TRIM67: variants seen among roughly 807,000 people sequenced by gnomAD.
TRIM67 encodes the protein tripartite motif containing 67.
In TRIM67, 39 loss-of-function variants were observed where a neutral mutation model predicts 71.0. That is an observed-to-expected ratio of 0.55 (90% CI 0.43 to 0.72). TRIM67 has a LOEUF of 0.72. Ranked by LOEUF, TRIM67 falls within the 30% of genes least tolerant of loss-of-function variation. TRIM67 has a pLI of 0.00. For missense variants in TRIM67, 973 were observed against 1,079.2 expected, an observed-to-expected ratio of 0.90 and a Z score of 1.38; for synonymous variants, 481 against 473.9, an observed-to-expected ratio of 1.01 and a Z score of -0.19.
chr1:231,184,931 C>T, intron 1 of TRIM67: 1 of 1,260,464 alleles, frequency 7.9e-7, no homozygotes, highest in Non-Finnish European at 1.1e-6. Context: ...AATTCAGGGC[C>T]CAACCCTGAA....
rs1368232730 is a variant in TRIM67, at chr1:231,219,208, G to A, written c.*3768G>A. 13 of 985,074 alleles carry A rather than the reference G, an allele frequency of 1.3e-5. No homozygotes were observed. The highest frequency in any genetic ancestry group is 1.6e-5 in the Non-Finnish European group (13 of 829,788). The allele number at this position is 985,074 out of a possible 1,614,324, so 61.0% of individuals were successfully genotyped here. A position where few individuals can be genotyped will look rare whatever the true frequency, so the allele number is the denominator to read the frequency against. ...TTCTCAACCTCTACTGACATTTTGCGATAGGTTCTGTATGCCGTAGGATGT... is the reference window on the plus strand; with the variant it reads ...TTCTCAACCTCTACTGACATTTTGCAATAGGTTCTGTATGCCGTAGGATGT... On this transcript the variant is annotated 3_prime_UTR_variant, in exon 10 of 10. Transcript: ENST00000366653.
intron 1 of TRIM67, among the ~76,000 whole-genome samples, chr1:231,190,433 C>T (rs1290274184): frequency 6.6e-6 from 1 of 152,170 alleles, no homozygotes; most frequent in Non-Finnish European, 1.5e-5. Flanking sequence ...CTCAGGGGAT[C>T]TCCCCCCAGC....
At chr1:231,214,123 A>C in intron 9 of TRIM67, 146 bp downstream of exon 9, 1 of 1,089,890 alleles carries the variant, frequency 9.2e-7, no homozygotes, top group Non-Finnish European at 1.3e-6. Context: ...CCTGCCTTGG[A>C]CATTTCCTGG....
intron 6 of TRIM67, among the ~76,000 whole-genome samples, chr1:231,205,778 A>G (rs1683678260): frequency 1.3e-5 from 2 of 152,118 alleles, no homozygotes; most frequent in Admixed American, 1.3e-4. Context: ...CCAGATGCAG[A>G]AATGTCTCAC....
intron 1 of TRIM67, among the ~76,000 whole-genome samples, chr1:231,171,057 C>T (rs969078132): frequency 3.3e-5 from 5 of 152,162 alleles, no homozygotes; most frequent in Admixed American, 2.6e-4. Flanking sequence ...CTTTGAAATG[C>T]CCTAATGGGA....
In TRIM67 at chr1:231,180,709, T is replaced by G. The variant is rs74143575; in HGVS notation, c.1045-16662T>G. 2.6e-3 allele frequency among the ~76,000 whole-genome samples: 402 copies of G among 152,290 alleles called. 3 individuals carry two copies. Among genetic ancestry groups the G allele is most frequent in the African/African-American group, 8.9e-3 (372 of 41,568 alleles). On this transcript the variant is annotated intron_variant, in intron 1 of 9. Coordinates refer to ENST00000366653, the MANE Select transcript of TRIM67 (RefSeq NM_001004342.5). ...CACAACTTAGAGGTAGGCAATAAAA[T>G]CCCTAACATCTGCACTCTGTAGGAG...
intron 1 of TRIM67, among the ~76,000 whole-genome samples, chr1:231,185,804 C>T (rs184474216): frequency 1.4e-4 from 22 of 151,930 alleles, no homozygotes; most frequent in African/African-American, 5.1e-4. Context: ...GGGCCACAGT[C>T]GGAGGTAAGC....
chr1:231,175,476 T>C (rs143457890), intron 1 of TRIM67, among the ~76,000 whole-genome samples: 117 of 152,302 alleles, frequency 7.7e-4, no homozygotes, highest in African/African-American at 2.6e-3. Flanking sequence ...GAGAACAGTT[T>C]ATTACTCACA....
At chr1:231,185,031 C>G (rs755674501) in intron 1 of TRIM67, 1 of 1,532,906 alleles carries the variant, frequency 6.5e-7, no homozygotes, top group East Asian at 2.4e-5. Context: ...ATTCTGCTTG[C>G]AGGGCCTAGG....
At chr1:231,174,313 C>T (rs563367456) in intron 1 of TRIM67, among the ~76,000 whole-genome samples, 2 of 151,708 alleles carry the variant, frequency 1.3e-5, no homozygotes, top group East Asian at 1.9e-4. Flanking sequence ...CACATGCCAT[C>T]ATGCCTAGCA....
At chr1:231,208,118 C>T (rs1038143296) in intron 7 of TRIM67, among the ~76,000 whole-genome samples, 17 of 150,864 alleles carry the variant, frequency 1.1e-4, no homozygotes, top group Non-Finnish European at 1.8e-4. Context: ...AAGTGATTGT[C>T]CTGCCTCAGC....
chr1:231,214,080 A>T (rs1683944796), intron 9 of TRIM67, 103 bp downstream of exon 9: 1 of 1,342,074 alleles, frequency 7.5e-7, no homozygotes, highest in Non-Finnish European at 1.0e-6. Context: ...GAAGCTGACC[A>T]CAGAGCCTTC....
At position 231,162,960 on chromosome 1, in the gene TRIM67, C is replaced by G. The variant is rs779929803; in HGVS notation, c.-10C>G. 1 of 1,609,566 alleles carries G rather than the reference C, an allele frequency of 6.2e-7. No homozygotes were observed. The highest frequency in any genetic ancestry group is 1.7e-5 in the Admixed American group (1 of 59,664). On this transcript the variant is annotated 5_prime_UTR_variant, in exon 1 of 10. Coordinates refer to ENST00000366653, the MANE Select transcript of TRIM67 (RefSeq NM_001004342.5). ...CCCAGCGCAGAGCAGCGCTGGCAGC[C>G]GGCGCCGCGATGGAGGAAGAGCTGA...
intron 1 of TRIM67, among the ~76,000 whole-genome samples, chr1:231,167,894 G>C (rs1377106614): frequency 6.6e-6 from 1 of 151,984 alleles, no homozygotes; most frequent in Non-Finnish European, 1.5e-5. Context: ...ATACATACGT[G>C]ACAAAGAACA....
chr1:231,175,163 G>A (rs1028727360), intron 1 of TRIM67, among the ~76,000 whole-genome samples: 1 of 152,230 alleles, frequency 6.6e-6, no homozygotes, highest in Non-Finnish European at 1.5e-5. Context: ...AGGTTGCTGG[G>A]AGGGCGTGAG....
At chr1:231,195,738 G>A (rs910012434) in intron 1 of TRIM67, among the ~76,000 whole-genome samples, 1 of 152,194 alleles carries the variant, frequency 6.6e-6, no homozygotes, top group Non-Finnish European at 1.5e-5. Flanking sequence ...TTCAGTGGAG[G>A]CTGCACTTGC....
In TRIM67 at chr1:231,216,516, C is replaced by A; in HGVS notation, c.*1076C>A. 1.0e-6 allele frequency: 1 copy of A among 985,508 alleles called. No homozygotes were observed. The highest frequency in any genetic ancestry group is 1.2e-6 in the Non-Finnish European group (1 of 829,962). 61.0% of individuals were successfully genotyped at this position (985,508 alleles called of 1,614,324 possible). On this transcript the variant is annotated 3_prime_UTR_variant, in exon 10 of 10. Coordinates refer to ENST00000366653, the MANE Select transcript of TRIM67 (RefSeq NM_001004342.5). ...ACTCATAAGCATTTAAAATGGGAGA[C>A]CCTGGGAAAGCCTGTTCTAGTCAGT...
At chr1:231,181,461 T>A (rs1487228558) in intron 1 of TRIM67, among the ~76,000 whole-genome samples, 2 of 152,166 alleles carry the variant, frequency 1.3e-5, no homozygotes, top group African/African-American at 2.4e-5. Flanking sequence ...GCTTCCAAGT[T>A]GGGGGGTGGT....
At chr1:231,183,941 A>C (rs774347731) in intron 1 of TRIM67, among the ~76,000 whole-genome samples, 1 of 152,144 alleles carries the variant, frequency 6.6e-6, no homozygotes, top group Non-Finnish European at 1.5e-5. Context: ...GAAGCAGCAT[A>C]TACAGGAATG....
Sources: allele counts gnomAD v4.1 joint callset (sites outside exome capture counted in the v4.1 genomes callset), GRCh38; gene constraint gnomAD v4.1.1; transcripts MANE v1.5; gene names NCBI Gene and HGNC (gene_info 2026-07-23, HGNC 2026-07-21).